The following BRIP1 variants were observed in gnomAD, a reference collection of about 807,000 sequenced individuals.
BRIP1 encodes BRCA1 interacting DNA helicase 1.
BRIP1 carries 88 observed loss-of-function variants against 119.7 expected under a neutral mutation model. That is an observed-to-expected ratio of 0.74 (90% CI 0.62 to 0.88). The LOEUF is 0.88. BRIP1 is among the 40% of genes least tolerant of loss of function. The probability of loss-of-function intolerance (pLI) is 0.00; values close to 1 mark genes in which losing one functional copy is unlikely to be tolerated. For missense variants in BRIP1, 1,259 were observed against 1,455.4 expected (o/e 0.87, Z 2.20); for synonymous variants, 443 against 496.5 (o/e 0.89, Z 1.43).
At chr17:61,731,989 T>C (rs1476959674) in intron 16 of BRIP1, among the ~76,000 whole-genome samples, 1 of 137,048 alleles carries the variant, frequency 7.3e-6, no homozygotes, top group African/African-American at 2.7e-5. Flanking sequence ...TTCTTTTTTT[T>C]TTTTTTTTTT....
At chr17:61,719,177 C>G (rs1380660892) in intron 16 of BRIP1, among the ~76,000 whole-genome samples, 3 of 84,470 alleles carry the variant, frequency 3.6e-5, no homozygotes, top group Non-Finnish European at 5.4e-5. Context: ...AGAGACATTG[C>G]CCCCCCCCCA....
chr17:61,705,595 TCA>T lies in BRIP1; in HGVS notation c.2492+10354_2492+10355del. Among the ~76,000 whole-genome samples the T allele has an allele frequency of 6.6e-6, 1 of 152,284 alleles. No individual in the cohort carries two copies. Among genetic ancestry groups the T allele is most frequent in the Non-Finnish European group, 1.5e-5 (1 of 68,002 alleles). The stretch of plus-strand genomic sequence containing the variant: ...ATTACTCCTTTTTTTCCTGTTTGCC[TCA>T]CATTTATTTAGCTCTTCTTTTTCTA... On this transcript the variant is annotated intron_variant, in intron 17 of 19. Transcript: ENST00000259008. This position sits in a 1 kb window ranked among gnomAD's most constrained non-coding sequence, Gnocchi z 5.0.
At position 61,861,668 on chromosome 17, in the gene BRIP1, TAATAA is replaced by T. The variant is rs2078976060; in HGVS notation, c.-30-104_-30-100del. On this transcript the variant is annotated intron_variant, in intron 1 of 19. Transcript: ENST00000259008. The surrounding 1 kb of genome is among the most constrained non-coding windows in gnomAD (Gnocchi z 4.5). ...GAAATCTGGAAACAGAAACTGGAATTAATAAAAGTATAAACAAAACAAATGGAAAC... is the reference window on the plus strand; with the variant it reads ...GAAATCTGGAAACAGAAACTGGAATTAAGTATAAACAAAACAAATGGAAAC... 1.4e-6 allele frequency: 1 copy of T among 711,514 alleles called. No homozygotes were observed. Among genetic ancestry groups the T allele is most frequent in the South Asian group, 1.6e-5 (1 of 64,118 alleles). The allele number at this position is 711,514 out of a possible 1,614,324, so 44.1% of individuals were successfully genotyped here.
rs1358537823 is a variant in BRIP1 at position 61,740,100 on chromosome 17, C to T, written c.2379+2913G>A. ...TTAGGTGAACTCCATTATCCCAGTT[C>T]TCTGCTTGGGTATAATTTCCTGACC... On this transcript the variant is annotated intron_variant, in intron 16 of 19. Transcript: ENST00000259008. The surrounding 1 kb of genome is among the most constrained non-coding windows in gnomAD (Gnocchi z 5.4). Among the ~76,000 whole-genome samples the T allele has an allele frequency of 6.6e-6, 1 of 152,088 alleles. No homozygotes were observed. Among genetic ancestry groups the T allele is most frequent in the African/African-American group, 2.4e-5 (1 of 41,406 alleles).
chr17:61,851,146 T>A lies in BRIP1; in HGVS notation c.380-1890A>T, dbSNP rs1251553843. On this transcript the variant is annotated intron_variant, in intron 4 of 19. Coordinates refer to ENST00000259008, the MANE Select transcript of BRIP1 (RefSeq NM_032043.3). This position sits in a 1 kb window ranked among gnomAD's most constrained non-coding sequence, Gnocchi z 4.6. ...GGGAGGCTGAGGCAGGAGAATCACT[T>A]GAACCCGGGAGGCAGAGGTTGCAGT... Among the ~76,000 whole-genome samples, 3 of 151,952 alleles carry A rather than the reference T, an allele frequency of 2.0e-5. No homozygotes were observed. The highest frequency in any genetic ancestry group is 7.3e-5 in the African/African-American group (3 of 41,348).
intron 6 of BRIP1, among the ~76,000 whole-genome samples, chr17:61,820,037 A>T (rs578000419): frequency 9.0e-4 from 125 of 138,500 alleles, no homozygotes; most frequent in Admixed American, 2.4e-3. Context: ...ATTAAAAATT[A>T]AAAAAAAAAA....
chr17:61,688,572 C>T (rs1281906914), intron 18 of BRIP1, among the ~76,000 whole-genome samples: 1 of 152,038 alleles, frequency 6.6e-6, no homozygotes, highest in Non-Finnish European at 1.5e-5. Flanking sequence ...GAGAGGCTCC[C>T]AGAATGCCTA....
intron 6 of BRIP1, among the ~76,000 whole-genome samples, chr17:61,811,845 G>A (rs1044121148): frequency 1.3e-5 from 2 of 151,850 alleles, no homozygotes; most frequent in African/African-American, 2.4e-5. Flanking sequence ...CCAGATACTC[G>A]GGAGGCTGAG....
Position 61,683,783 on chromosome 17 carries a change from T to C in BRIP1, c.3263A>G (p.His1088Arg), listed in dbSNP as rs2061314121. The C allele has an allele frequency of 6.2e-7, 1 of 1,614,234 alleles. No individual in the cohort carries two copies. The highest frequency in any genetic ancestry group is 8.5e-7 in the Non-Finnish European group (1 of 1,180,042). The change falls in exon 20 of 20, where the codon CAT becomes CGT. Residue 1088 changes from histidine (H) to arginine (R), a missense_variant. His to Arg is a conservative substitution (Grantham distance 29, BLOSUM62 0). Transcript: ENST00000259008. The surrounding 1 kb of genome is among the most constrained non-coding windows in gnomAD (Gnocchi z 4.7). ...TTCAGAACAGAGCGGATGTTCAGAA[T>C]GATTTTTTCTAGTAAGGGTGGCATC... ...KIDATLTRKN[H>R]SEHPLCSEEA...
chr17:61,815,124 A>C lies in BRIP1; in HGVS notation c.628-6367T>G, dbSNP rs912098514. On this transcript the variant is annotated intron_variant, in intron 6 of 19. Coordinates refer to ENST00000259008, the MANE Select transcript of BRIP1 (RefSeq NM_032043.3). This position sits in a 1 kb window ranked among gnomAD's most constrained non-coding sequence, Gnocchi z 4.1. ...ATGCTAGAAGTGCTGGAAAAAAAAA[A>C]AAAAACCCACAGTAAATATACTCTG... Among the ~76,000 whole-genome samples the C allele has an allele frequency of 6.6e-6, 1 of 151,812 alleles. No individual in the cohort carries two copies. The highest frequency in any genetic ancestry group is 6.6e-5 in the Admixed American group (1 of 15,228).
intron 6 of BRIP1, among the ~76,000 whole-genome samples, chr17:61,819,858 A>G (rs1347835670): frequency 1.3e-5 from 2 of 152,184 alleles, no homozygotes; most frequent in Non-Finnish European, 2.9e-5. Flanking sequence ...ATGTAATTGT[A>G]CATTTCAAAA....
rs2076752308 is a variant in BRIP1, at chr17:61,725,340, A to T, written c.2380-9277T>A. ...ACATAGTAACAGCAATATATTTCAC[A>T]TATGCTTTAAGACTGTTTTGGATAA... On this transcript the variant is annotated intron_variant, in intron 16 of 19. Transcript: ENST00000259008. This position sits in a 1 kb window ranked among gnomAD's most constrained non-coding sequence, Gnocchi z 5.3. 6.6e-6 allele frequency among the ~76,000 whole-genome samples: 1 copy of T among 152,208 alleles called. No individual in the cohort carries two copies. Among genetic ancestry groups the T allele is most frequent in the African/African-American group, 2.4e-5 (1 of 41,442 alleles).
At chr17:61,847,967 T>C (rs2078759753) in intron 5 of BRIP1, among the ~76,000 whole-genome samples, 1 of 152,116 alleles carries the variant, frequency 6.6e-6, no homozygotes, top group African/African-American at 2.4e-5. Context: ...TCTCTATAGG[T>C]TCACACCTCA....
chr17:61,743,107 C>G lies in BRIP1; in HGVS notation c.2285G>C (p.Arg762Pro), dbSNP rs200960251. ...KDGALLVAVC[R>P]GKVSEGLDFS... ...ATCCAGACCCTCACTCACTTTACCA[C>G]GACAAACTGCTACCAGGAGAGCTCC... Residue 762 changes from arginine to proline, a missense_variant, in exon 16 of 20, where the codon CGT becomes CCT. By Grantham distance (103) the Arg-to-Pro change is moderately radical (BLOSUM62 -2). Transcript: ENST00000259008. This position sits in a 1 kb window ranked among gnomAD's most constrained non-coding sequence, Gnocchi z 4.3. 2 of 1,613,938 alleles carry G rather than the reference C, an allele frequency of 1.2e-6. No homozygotes were observed. The highest frequency in any genetic ancestry group is 1.1e-5 in the South Asian group (1 of 91,080).
In BRIP1 at chr17:61,841,852, T is replaced by A. The variant is rs545809475; in HGVS notation, c.627+5249A>T. Among the ~76,000 whole-genome samples, 28 of 152,248 alleles carry A rather than the reference T, an allele frequency of 1.8e-4. No individual in the cohort carries two copies. The highest frequency in any genetic ancestry group is 2.2e-4 in the Non-Finnish European group (15 of 68,010). Reference sequence around the variant, plus strand: ...TACCACCACGCCTGGCTAATTTTTTTAAAAATTTTGTACAGATGGGGTTCT... The same window carrying A: ...TACCACCACGCCTGGCTAATTTTTTAAAAAATTTTGTACAGATGGGGTTCT... On this transcript the variant is annotated intron_variant, in intron 6 of 19. Transcript: ENST00000259008. The surrounding 1 kb of genome is among the most constrained non-coding windows in gnomAD (Gnocchi z 4.1).
intron 4 of BRIP1, among the ~76,000 whole-genome samples, chr17:61,855,244 T>C (rs543688265): frequency 5.9e-4 from 90 of 152,238 alleles, no homozygotes; most frequent in Non-Finnish European, 1.1e-3. Flanking sequence ...TTGATTCTGG[T>C]GAAAGTTTCA....
intron 9 of BRIP1, among the ~76,000 whole-genome samples, chr17:61,797,470 T>C (rs2077918605): frequency 6.6e-6 from 1 of 151,918 alleles, no homozygotes; most frequent in African/African-American, 2.4e-5. Context: ...CTAGTGATCT[T>C]GATCAAAACA....
rs922351589 is a variant in BRIP1, at chr17:61,824,270, T to C, written c.628-15513A>G. On this transcript the variant is annotated intron_variant, in intron 6 of 19. Transcript: ENST00000259008. The surrounding 1 kb of genome is among the most constrained non-coding windows in gnomAD (Gnocchi z 4.3). ...TGTTTCAAAACAAAGCGACGGTTCCTATCAATAACCCAATGAAGTTTCTTG... is the reference window on the plus strand; with the variant it reads ...TGTTTCAAAACAAAGCGACGGTTCCCATCAATAACCCAATGAAGTTTCTTG... Among the ~76,000 whole-genome samples, 1 of 151,944 alleles carries C rather than the reference T, an allele frequency of 6.6e-6. No homozygotes were observed. Among genetic ancestry groups the C allele is most frequent in the Non-Finnish European group, 1.5e-5 (1 of 68,024 alleles).
At position 61,767,318 on chromosome 17, in the gene BRIP1, C is replaced by G. The variant is rs1428224854; in HGVS notation, c.2097+9083G>C. Among the ~76,000 whole-genome samples, 1 of 152,066 alleles carries G rather than the reference C, an allele frequency of 6.6e-6. No homozygotes were observed. Among genetic ancestry groups the G allele is most frequent in the Non-Finnish European group, 1.5e-5 (1 of 68,008 alleles). ...TTTAGAGATAGGGTCTTGCTATTGG[C>G]CAAGCTGGAGTGCAGTGGTGTGATC... On this transcript the variant is annotated intron_variant, in intron 14 of 19. Coordinates refer to ENST00000259008, the MANE Select transcript of BRIP1 (RefSeq NM_032043.3). The surrounding 1 kb of genome is among the most constrained non-coding windows in gnomAD (Gnocchi z 5.7).
Sources: allele counts gnomAD v4.1 joint callset (sites outside exome capture counted in the v4.1 genomes callset), GRCh38; gene constraint gnomAD v4.1.1; non-coding constraint Gnocchi (gnomAD v3.1); transcripts MANE v1.5; gene names NCBI Gene and HGNC (gene_info 2026-07-23, HGNC 2026-07-21).